SUCLG2: variants seen among roughly 807,000 people sequenced by gnomAD.
SUCLG2 encodes succinate--CoA ligase [GDP-forming] subunit beta, mitochondrial.
SUCLG2 carries 42 observed loss-of-function variants against 47.9 expected under a neutral mutation model. The observed-to-expected ratio is 0.88, with a 90% CI of 0.69 to 1.14. SUCLG2 has a LOEUF of 1.14. Ranked by LOEUF, SUCLG2 falls within the 50% of genes most tolerant of loss-of-function variation. The probability of loss-of-function intolerance (pLI) is 0.00; values close to 1 mark genes in which losing one functional copy is unlikely to be tolerated. For missense variants in SUCLG2, 571 were observed against 525.9 expected (o/e 1.09, Z -0.84); for synonymous variants, 195 against 197.3 (o/e 0.99, Z 0.10).
chr3:67,616,368 C>T (rs1214696855), intron 1 of SUCLG2, among the ~76,000 whole-genome samples: 6 of 152,144 alleles, frequency 3.9e-5, no homozygotes, highest in African/African-American at 1.2e-4. Flanking sequence ...ACAATACATA[C>T]AGCAGAAGAA....
intron 9 of SUCLG2, among the ~76,000 whole-genome samples, chr3:67,467,875 C>G (rs1575716329): frequency 6.6e-6 from 1 of 152,066 alleles, no homozygotes; most frequent in African/African-American, 2.4e-5. Flanking sequence ...AGCGGGAATT[C>G]CAATCAAGGC....
chr3:67,517,212 G>A (rs1203733825), intron 6 of SUCLG2, among the ~76,000 whole-genome samples: 1 of 152,072 alleles, frequency 6.6e-6, no homozygotes, highest in African/African-American at 2.4e-5. Flanking sequence ...CTTCATTTAA[G>A]CATATATATT....
intron 9 of SUCLG2, among the ~76,000 whole-genome samples, chr3:67,453,731 A>C (rs1423486684): frequency 2.0e-5 from 3 of 152,218 alleles, no homozygotes. Flanking sequence ...GAAACTCTTG[A>C]TATTCCTTAA....
chr3:67,436,332 T>C (rs1703620370), intron 9 of SUCLG2, among the ~76,000 whole-genome samples: 1 of 152,154 alleles, frequency 6.6e-6, no homozygotes, highest in Non-Finnish European at 1.5e-5. Context: ...CATATCACAG[T>C]GACCCATAGT....
intron 9 of SUCLG2, among the ~76,000 whole-genome samples, chr3:67,487,499 T>TAC (rs143841918): frequency 6.3e-4 from 94 of 149,918 alleles, no homozygotes; most frequent in Admixed American, 1.3e-3. Flanking sequence ...AACACACATA[T>TAC]ACACACACAC....
At chr3:67,478,715 G>A (rs1259475870) in intron 9 of SUCLG2, among the ~76,000 whole-genome samples, 1 of 152,130 alleles carries the variant, frequency 6.6e-6, no homozygotes, top group Non-Finnish European at 1.5e-5. Flanking sequence ...CAAAATTAAC[G>A]AATAAAATCT....
chr3:67,439,802 T>C (rs1056584655), intron 9 of SUCLG2, among the ~76,000 whole-genome samples: 1 of 152,180 alleles, frequency 6.6e-6, no homozygotes, highest in Admixed American at 6.5e-5. Context: ...ATGGCCATAC[T>C]GCCAAAAGGA....
intron 9 of SUCLG2, chr3:67,409,130 T>TA (rs756851262): frequency 4.5e-5 from 60 of 1,325,248 alleles, no homozygotes; most frequent in Middle Eastern, 1.9e-4. Flanking sequence ...TGTTTACTGA[T>TA]AAAAGAGTTG....
At chr3:67,566,349 TG>T (rs568805865) in intron 2 of SUCLG2, among the ~76,000 whole-genome samples, 1 of 152,116 alleles carries the variant, frequency 6.6e-6, no homozygotes, top group Non-Finnish European at 1.5e-5. Flanking sequence ...GAATTACATT[TG>T]GGGGGGATAT....
At chr3:67,643,367 A>G (rs1378313240) in intron 1 of SUCLG2, among the ~76,000 whole-genome samples, 1 of 152,188 alleles carries the variant, frequency 6.6e-6, no homozygotes, top group Non-Finnish European at 1.5e-5. Flanking sequence ...TCACTGTTTA[A>G]TATTAGCGGT....
At chr3:67,402,069 C>T (rs901686371) in intron 9 of SUCLG2, among the ~76,000 whole-genome samples, 4 of 152,184 alleles carry the variant, frequency 2.6e-5, no homozygotes, top group Non-Finnish European at 5.9e-5. Context: ...AAAGCCAGCT[C>T]CCTAGATTGT....
At chr3:67,384,384 T>A (rs1702218323) in intron 10 of SUCLG2, among the ~76,000 whole-genome samples, 1 of 152,232 alleles carries the variant, frequency 6.6e-6, no homozygotes, top group Admixed American at 6.5e-5. Flanking sequence ...TGTTCCACTA[T>A]CTGTTTTTGT....
chr3:67,387,989 C>T (rs933202902), intron 10 of SUCLG2, among the ~76,000 whole-genome samples: 1 of 151,854 alleles, frequency 6.6e-6, no homozygotes, highest in African/African-American at 2.4e-5. Context: ...AAACTAACAA[C>T]ATAAGACAAT....
At chr3:67,565,320 T>C (rs1277899819) in intron 2 of SUCLG2, among the ~76,000 whole-genome samples, 4 of 152,224 alleles carry the variant, frequency 2.6e-5, no homozygotes, top group African/African-American at 9.6e-5. Flanking sequence ...CTCTACTAAA[T>C]ACAATATAGT....
chr3:67,452,555 G>GT (rs35397496), intron 9 of SUCLG2, among the ~76,000 whole-genome samples: 1 of 152,100 alleles, frequency 6.6e-6, no homozygotes, highest in Admixed American at 6.6e-5. Flanking sequence ...TAGAAAACAG[G>GT]TAAGTTTCAG....
At chr3:67,479,235 A>T (rs184630154) in intron 9 of SUCLG2, among the ~76,000 whole-genome samples, 3 of 152,268 alleles carry the variant, frequency 2.0e-5, no homozygotes, top group Admixed American at 6.5e-5. Context: ...TCACATGCTG[A>T]TTCTCTGACC....
At chr3:67,555,224 T>TGAGA (rs1707126134) in intron 2 of SUCLG2, among the ~76,000 whole-genome samples, 1 of 152,096 alleles carries the variant, frequency 6.6e-6, no homozygotes, top group Non-Finnish European at 1.5e-5. Context: ...AGGAATGAAA[T>TGAGA]TGGAAGTATC....
At chr3:67,552,408 T>C (rs752275989) in intron 2 of SUCLG2, among the ~76,000 whole-genome samples, 5 of 152,232 alleles carry the variant, frequency 3.3e-5, no homozygotes, top group African/African-American at 1.2e-4. Flanking sequence ...TGTATTCATG[T>C]AGTACTTTTA....
chr3:67,487,382 T>C (rs941616615), intron 9 of SUCLG2, among the ~76,000 whole-genome samples: 2 of 152,132 alleles, frequency 1.3e-5, no homozygotes, highest in African/African-American at 4.8e-5. Context: ...ACATACTTTA[T>C]TATAGTGAGA....
Sources: gnomAD v4.1 joint callset for allele counts (sites outside exome capture counted in the v4.1 genomes callset) on GRCh38, gnomAD v4.1.1 for gene constraint, MANE v1.5 for transcripts, NCBI Gene and HGNC (gene_info 2026-07-23, HGNC 2026-07-21) for gene names.